MECOM: variants seen among roughly 807,000 people sequenced by gnomAD.
MECOM encodes histone-lysine N-methyltransferase MECOM.
MECOM carries 13 observed loss-of-function variants against 116.3 expected under a neutral mutation model. The observed-to-expected ratio is 0.11, with a 90% CI of 0.07 to 0.18. The LOEUF (loss-of-function observed/expected upper bound fraction) is 0.18, where lower values mean the gene tolerates loss of function less well. Ranked by LOEUF, MECOM falls within the 10% of genes least tolerant of loss-of-function variation. The probability of loss-of-function intolerance (pLI) is 1.00; values close to 1 mark genes in which losing one functional copy is unlikely to be tolerated. For synonymous variants in MECOM, 528 were observed against 535.2 expected (o/e 0.99, Z 0.19); for missense variants, 1,299 against 1,509.0 (o/e 0.86, Z 2.31).
At chr3:169,650,401 TAAC>T (rs1189292186) in intron 1 of MECOM, among the ~76,000 whole-genome samples, 2 of 152,004 alleles carry the variant, frequency 1.3e-5, no homozygotes, top group Non-Finnish European at 2.9e-5. Context: ...GGAAATCACT[TAAC>T]AACAACAAAA....
In MECOM at chr3:169,116,065, T is replaced by C. The variant is rs1020395204; in HGVS notation, c.1807A>G (p.Ser603Gly). ...LETTSGSDLE[S>G]DIESDKEKFK... ...TTCTCTTTATCACTTTCAATGTCACTTTCCAGATCAGAGCCCGAGGTTGTT... is the reference window on the plus strand; with the variant it reads ...TTCTCTTTATCACTTTCAATGTCACCTTCCAGATCAGAGCCCGAGGTTGTT... Residue 603 changes from serine to glycine, a missense_variant, in exon 8 of 17, where the codon AGT (serine) becomes GGT (glycine). Around this residue, in one of 6 missense-constraint regions of MECOM, gnomAD observed 238 missense variants for 273.1 expected, o/e 0.87. Coordinates refer to ENST00000651503, the MANE Select transcript of MECOM (RefSeq NM_004991.4). 2 of 1,614,096 alleles carry C rather than the reference T, an allele frequency of 1.2e-6. No homozygotes were observed. The highest frequency in any genetic ancestry group is 2.7e-5 in the African/African-American group (2 of 74,936).
intron 1 of MECOM, among the ~76,000 whole-genome samples, chr3:169,457,367 C>T (rs1027796210): frequency 4.6e-5 from 7 of 152,090 alleles, no homozygotes; most frequent in East Asian, 1.9e-4. Context: ...TTCAGAAACT[C>T]GGCCAAAGGA....
At chr3:169,146,272 C>T (rs569810488) in intron 2 of MECOM, 16 of 1,226,198 alleles carry the variant, frequency 1.3e-5, no homozygotes, top group African/African-American at 4.6e-5. Context: ...AAGCAGCACA[C>T]GATGTTGGAC....
intron 1 of MECOM, among the ~76,000 whole-genome samples, chr3:169,491,920 A>G (rs1438490590): frequency 3.3e-5 from 5 of 152,230 alleles, no homozygotes; most frequent in African/African-American, 7.2e-5. Flanking sequence ...ATATAATTTC[A>G]TCTATTTTTG....
At chr3:169,397,008 A>G (rs1361795198) in intron 1 of MECOM, among the ~76,000 whole-genome samples, 2 of 152,178 alleles carry the variant, frequency 1.3e-5, no homozygotes, top group Non-Finnish European at 2.9e-5. Context: ...AGAATAAATG[A>G]TGCTCTTGAG....
At chr3:169,282,847 C>A (rs2149681359) in intron 2 of MECOM, among the ~76,000 whole-genome samples, 1 of 151,342 alleles carries the variant, frequency 6.6e-6, no homozygotes, top group Non-Finnish European at 1.5e-5. Flanking sequence ...ATTGATAAAT[C>A]CAAATAAAAA....
chr3:169,320,745 T>G (rs1720707188), intron 2 of MECOM, among the ~76,000 whole-genome samples: 1 of 152,248 alleles, frequency 6.6e-6, no homozygotes, highest in South Asian at 2.1e-4. Context: ...TTCTTTTTTA[T>G]TGGCCACATC....
At chr3:169,483,113 C>T (rs1323770894) in intron 1 of MECOM, among the ~76,000 whole-genome samples, 1 of 151,772 alleles carries the variant, frequency 6.6e-6, no homozygotes, top group Admixed American at 6.6e-5. Context: ...GCCAAAACTA[C>T]AACTTAACAT....
In MECOM at chr3:169,248,550, TC is replaced by T. The variant is rs1755872492; in HGVS notation, c.376-104719del. 7.9e-5 allele frequency among the ~76,000 whole-genome samples: 12 copies of T among 152,344 alleles called. No individual in the cohort carries two copies. The South Asian group carries it at 2.5e-3, about 32-fold the overall frequency. ...ATTTGACATCTCTCTATTCATCTCT[TC>T]TTTGAGTACTATTCTTTGGGTACTG... On this transcript the variant is annotated intron_variant, in intron 2 of 16. Transcript: ENST00000651503.
At chr3:169,212,939 C>A (rs1750961810) in intron 2 of MECOM, among the ~76,000 whole-genome samples, 1 of 151,538 alleles carries the variant, frequency 6.6e-6, no homozygotes, top group Non-Finnish European at 1.5e-5. Context: ...TTTCAGGGAA[C>A]CTTCTCTCAC....
rs1266973210 is a variant in MECOM at position 169,102,087 on chromosome 3, C to T, written c.2744G>A (p.Arg915Gln). ...PPNALPENLLRKGKERYTCRY... is the reference protein window; with the variant it reads ...PPNALPENLLQKGKERYTCRY... ...GCAGGTATAGCGCTCCTTTCCCTTC[C>T]GCAGAAGGTTCTCTGGCAGGGCATT... Residue 915 changes from arginine to glutamine, a missense_variant, in exon 11 of 17, where the codon CGG (arginine) becomes CAG (glutamine). Coordinates refer to ENST00000651503, the MANE Select transcript of MECOM (RefSeq NM_004991.4). 5.3e-5 allele frequency: 85 copies of T among 1,613,214 alleles called. No individual in the cohort carries two copies. Among genetic ancestry groups the T allele is most frequent in the Non-Finnish European group, 6.7e-5 (79 of 1,179,700 alleles).
chr3:169,162,914 C>G (rs1249143693), intron 2 of MECOM, among the ~76,000 whole-genome samples: 1 of 151,918 alleles, frequency 6.6e-6, no homozygotes, highest in Non-Finnish European at 1.5e-5. Context: ...GGTTCATATC[C>G]AGGCATAACG....
intron 3 of MECOM, among the ~76,000 whole-genome samples, chr3:169,137,373 G>A (rs755382166): frequency 6.6e-6 from 1 of 152,068 alleles, no homozygotes; most frequent in Non-Finnish European, 1.5e-5. Context: ...ATTCAGGAAT[G>A]ATGTAAATTT....
intron 2 of MECOM, among the ~76,000 whole-genome samples, chr3:169,346,830 G>A (rs975178900): frequency 1.4e-4 from 21 of 151,976 alleles, no homozygotes; most frequent in African/African-American, 5.1e-4. Context: ...TCCATGGTTG[G>A]TTAGCACAGC....
At chr3:169,277,852 C>T (rs1338838764) in intron 2 of MECOM, among the ~76,000 whole-genome samples, 1 of 152,178 alleles carries the variant, frequency 6.6e-6, no homozygotes, top group Non-Finnish European at 1.5e-5. Context: ...TCTTGACTTC[C>T]AACCAGGGTT....
intron 1 of MECOM, among the ~76,000 whole-genome samples, chr3:169,562,167 AG>A (rs1263583450): frequency 7.5e-6 from 1 of 133,852 alleles, no homozygotes; most frequent in Admixed American, 7.9e-5. Context: ...AAAAAAGGAA[AG>A]AAAGAAAGAA....
chr3:169,516,184 T>A (rs1034102037), intron 1 of MECOM, among the ~76,000 whole-genome samples: 1 of 152,238 alleles, frequency 6.6e-6, no homozygotes, highest in South Asian at 2.1e-4. Flanking sequence ...GTATGTCATA[T>A]ATAATTCTCA....
intron 3 of MECOM, among the ~76,000 whole-genome samples, chr3:169,142,718 A>G (rs1479615155): frequency 6.6e-6 from 1 of 152,002 alleles, no homozygotes; most frequent in Non-Finnish European, 1.5e-5. Context: ...ATGCCAAAGA[A>G]TAATCTCATA....
chr3:169,485,995 G>GTA lies in MECOM; in HGVS notation c.38-104473_38-104472dup, dbSNP rs1254284879. 1.2e-4 allele frequency among the ~76,000 whole-genome samples: 8 copies of GTA among 65,090 alleles called. 1 individual carries two copies. Among genetic ancestry groups the GTA allele is most frequent in the South Asian group, 5.3e-4 (1 of 1,892 alleles). 42.7% of individuals were successfully genotyped at this position (65,090 alleles called of 152,430 possible). On this transcript the variant is annotated intron_variant, in intron 1 of 16. Transcript: ENST00000651503. ...ATACATATATATATAGTATATATAT[G>GTA]TATATATATACTATATATATATGTA...
Sources: allele counts gnomAD v4.1 joint callset (sites outside exome capture counted in the v4.1 genomes callset), GRCh38; gene constraint gnomAD v4.1.1; regional missense constraint gnomAD v4.1.1; transcripts MANE v1.5; gene names NCBI Gene and HGNC (gene_info 2026-07-23, HGNC 2026-07-21).